The following RBFOX1 variants were observed in gnomAD, a reference collection of about 807,000 sequenced individuals.
RBFOX1 encodes the protein RNA binding protein fox-1 homolog 1.
Under a neutral mutation model 57.7 loss-of-function variants are expected in RBFOX1, and 8 were observed. The observed-to-expected ratio is 0.14, with a 90% CI of 0.08 to 0.25. RBFOX1 has a LOEUF of 0.25. Ranked by LOEUF, RBFOX1 falls within the 10% of genes least tolerant of loss-of-function variation. The probability of loss-of-function intolerance (pLI) is 1.00; values close to 1 mark genes in which losing one functional copy is unlikely to be tolerated. For synonymous variants in RBFOX1, 326 were observed against 222.4 expected, an observed-to-expected ratio of 1.47 and a Z score of -4.15; for missense variants, 611 against 548.5, an observed-to-expected ratio of 1.11 and a Z score of -1.14.
At chr16:7,710,327 T>C (rs2083794565) in intron 15 of RBFOX1, 2 of 1,229,388 alleles carry the variant, frequency 1.6e-6, no homozygotes, top group Admixed American at 4.5e-5. Flanking sequence ...ATTATTCTGT[T>C]ATAAAAAAAT....
At chr16:7,101,332 C>T (rs1382478) in intron 4 of RBFOX1, among the ~76,000 whole-genome samples, 80,813 of 152,032 alleles carry the variant, frequency 0.53, 21,702 homozygotes, top group South Asian at 0.65. Context: ...AAATGCTATT[C>T]ATTGAAAATA....
At chr16:6,329,967 C>A (rs867678891) in intron 2 of RBFOX1, among the ~76,000 whole-genome samples, 5 of 151,832 alleles carry the variant, frequency 3.3e-5, no homozygotes, top group South Asian at 2.1e-4. Context: ...AAAACAAAAT[C>A]AAAAACCACA....
At chr16:7,035,686 A>G (rs886634820) in intron 3 of RBFOX1, among the ~76,000 whole-genome samples, 1 of 152,202 alleles carries the variant, frequency 6.6e-6, no homozygotes, top group Non-Finnish European at 1.5e-5. Flanking sequence ...GATAAAGTAA[A>G]CAGCCAGGTG....
At chr16:6,794,280 ATTTT>A (rs372963833) in intron 3 of RBFOX1, among the ~76,000 whole-genome samples, 3 of 125,224 alleles carry the variant, frequency 2.4e-5, no homozygotes, top group Admixed American at 1.7e-4. Flanking sequence ...CTTGTTCGTG[ATTTT>A]TTTTTTTTTT....
At chr16:6,227,295 T>G (rs1189730470) in intron 1 of RBFOX1, among the ~76,000 whole-genome samples, 3 of 152,116 alleles carry the variant, frequency 2.0e-5, no homozygotes, top group Non-Finnish European at 4.4e-5. Flanking sequence ...AAACGGAGTC[T>G]AAGAATTTGA....
intron 1 of RBFOX1, among the ~76,000 whole-genome samples, chr16:6,253,553 CT>C (rs1349042081): frequency 6.6e-6 from 1 of 152,068 alleles, no homozygotes; most frequent in Non-Finnish European, 1.5e-5. Context: ...ACCACACACT[CT>C]TTTGTTTTCC....
chr16:7,100,999 T>C (rs1384978741), intron 4 of RBFOX1, among the ~76,000 whole-genome samples: 9 of 152,160 alleles, frequency 5.9e-5, no homozygotes, highest in African/African-American at 1.4e-4. Context: ...CTCAGAGATA[T>C]AGTGAAAAAA....
chr16:7,620,310 G>C (rs146281070), intron 10 of RBFOX1, among the ~76,000 whole-genome samples: 8 of 152,134 alleles, frequency 5.3e-5, no homozygotes, highest in Non-Finnish European at 8.8e-5. Context: ...TAACCACTGA[G>C]GCTCAGAGAA....
chr16:6,201,772 C>T (rs2097216979), intron 1 of RBFOX1, among the ~76,000 whole-genome samples: 1 of 152,190 alleles, frequency 6.6e-6, no homozygotes, highest in African/African-American at 2.4e-5. Flanking sequence ...ATCAAAACAT[C>T]ACATGTACCC....
intron 3 of RBFOX1, among the ~76,000 whole-genome samples, chr16:7,020,138 G>A (rs1190042536): frequency 6.6e-6 from 1 of 152,066 alleles, no homozygotes; most frequent in Non-Finnish European, 1.5e-5. Context: ...GCCAGGTGCG[G>A]CGTACCCGGG....
At chr16:7,080,798 C>T (rs771700065) in intron 4 of RBFOX1, among the ~76,000 whole-genome samples, 4 of 152,214 alleles carry the variant, frequency 2.6e-5, no homozygotes, top group Admixed American at 6.5e-5. Flanking sequence ...TGGAAGACCA[C>T]AACAAACTCT....
chr16:5,558,303 G>C (rs1007085825), intron 2 of RBFOX1, among the ~76,000 whole-genome samples: 6 of 152,146 alleles, frequency 3.9e-5, no homozygotes, highest in African/African-American at 1.4e-4. Context: ...CACGCCTACT[G>C]GGCTTTGGGA....
rs375780076 is a variant in RBFOX1, at chr16:7,100,474, A to G, written c.27+48376A>G. Among the ~76,000 whole-genome samples, 7 of 152,144 alleles carry G rather than the reference A, an allele frequency of 4.6e-5. No individual in the cohort carries two copies. The East Asian group carries it at 1.4e-3, about 29-fold the overall frequency. ...GATACCCATTTTCCTCCAAAACAGA[A>G]TCATACTATAAACATATTTTCATAC... On this transcript the variant is annotated intron_variant, in intron 4 of 15. Coordinates refer to ENST00000550418, the MANE Select transcript of RBFOX1 (RefSeq NM_018723.4).
chr16:7,392,303 C>T (rs953879460), intron 4 of RBFOX1, among the ~76,000 whole-genome samples: 2 of 152,138 alleles, frequency 1.3e-5, no homozygotes, highest in African/African-American at 4.8e-5. Flanking sequence ...CTTGCATTTC[C>T]CTCCAGATCA....
chr16:5,355,112 C>G (rs1470447746), intron 1 of RBFOX1, among the ~76,000 whole-genome samples: 2 of 152,110 alleles, frequency 1.3e-5, no homozygotes, highest in Non-Finnish European at 2.9e-5. Flanking sequence ...GGATTCAATA[C>G]TAGGGTCGTC....
chr16:6,117,202 G>A (rs1428388117), intron 1 of RBFOX1, among the ~76,000 whole-genome samples: 1 of 152,094 alleles, frequency 6.6e-6, no homozygotes, highest in African/African-American at 2.4e-5. Context: ...AGTTCAGGGG[G>A]TAAAGAATTA....
At chr16:7,684,542 G>C (rs2075640525) in intron 14 of RBFOX1, among the ~76,000 whole-genome samples, 1 of 151,700 alleles carries the variant, frequency 6.6e-6, no homozygotes, top group Non-Finnish European at 1.5e-5. Flanking sequence ...GAAATGCTTT[G>C]GCCTGAGATT....
chr16:5,447,069 C>T (rs906213425), intron 1 of RBFOX1, among the ~76,000 whole-genome samples: 22 of 152,154 alleles, frequency 1.4e-4, no homozygotes, highest in African/African-American at 3.9e-4. Context: ...CAAACCATCA[C>T]GATCAACAAA....
intron 4 of RBFOX1, among the ~76,000 whole-genome samples, chr16:7,304,980 C>T (rs1248955179): frequency 6.9e-6 from 1 of 144,084 alleles, no homozygotes; most frequent in African/African-American, 2.6e-5. Context: ...TTGTGTGGTG[C>T]TATATTCGGT....
Sources: gnomAD v4.1 joint callset for allele counts (sites outside exome capture counted in the v4.1 genomes callset) on GRCh38, gnomAD v4.1.1 for gene constraint, MANE v1.5 for transcripts, NCBI Gene and HGNC (gene_info 2026-07-23, HGNC 2026-07-21) for gene names.